Variants in STRN3 observed in about 807,000 individuals in gnomAD.
STRN3 encodes striatin 3.
In STRN3, 29 loss-of-function variants were observed where a neutral mutation model predicts 95.6. The ratio of observed to expected loss-of-function variants is 0.30; its 90% CI spans 0.23 to 0.41. The LOEUF (loss-of-function observed/expected upper bound fraction) is 0.41. STRN3 is among the 10% of genes least tolerant of loss of function. STRN3 has a pLI of 1.00. For missense variants in STRN3, 890 were observed against 972.1 expected (o/e 0.92, Z 1.12); for synonymous variants, 331 against 357.6 (o/e 0.93, Z 0.84).
intron 1 of STRN3, among the ~76,000 whole-genome samples, chr14:31,024,466 T>C (rs2139367090): frequency 6.6e-6 from 1 of 152,306 alleles, no homozygotes; most frequent in East Asian, 1.9e-4. Context: ...TTTTTTAAAG[T>C]TATGTAATTT....
chr14:30,922,993 C>A (rs1896922675), intron 8 of STRN3, among the ~76,000 whole-genome samples: 1 of 152,164 alleles, frequency 6.6e-6, no homozygotes, highest in South Asian at 2.1e-4. Flanking sequence ...TAACATAAAA[C>A]CACATGCCTA....
At chr14:31,005,198 G>C (rs1409269338) in intron 1 of STRN3, among the ~76,000 whole-genome samples, 2 of 152,178 alleles carry the variant, frequency 1.3e-5, no homozygotes, top group Non-Finnish European at 2.9e-5. Flanking sequence ...CGGGCATGGT[G>C]GCACACGCCA....
At chr14:30,938,902 G>A (rs1438273759) in intron 5 of STRN3, among the ~76,000 whole-genome samples, 2 of 152,102 alleles carry the variant, frequency 1.3e-5, no homozygotes, top group African/African-American at 4.8e-5. Flanking sequence ...AAAATTAAAG[G>A]ATCATAGACT....
chr14:31,011,923 T>A (rs179721), intron 1 of STRN3, among the ~76,000 whole-genome samples: 2 of 151,772 alleles, frequency 1.3e-5, no homozygotes, highest in South Asian at 2.1e-4. Flanking sequence ...CTACCAAAAA[T>A]AAAAAAAAAT....
At chr14:30,985,979 C>A (rs994940525) in intron 1 of STRN3, among the ~76,000 whole-genome samples, 3 of 152,142 alleles carry the variant, frequency 2.0e-5, no homozygotes, top group Non-Finnish European at 4.4e-5. Flanking sequence ...TGTGTGCATG[C>A]GCTTTCTCTC....
intron 8 of STRN3, among the ~76,000 whole-genome samples, chr14:30,919,418 T>C (rs892223581): frequency 5.9e-5 from 9 of 151,890 alleles, no homozygotes; most frequent in Non-Finnish European, 1.2e-4. Flanking sequence ...TTTAAAGTTC[T>C]GTAAGCTCAC....
At chr14:31,011,124 A>G (rs1396971967) in intron 1 of STRN3, among the ~76,000 whole-genome samples, 1 of 152,204 alleles carries the variant, frequency 6.6e-6, no homozygotes, top group South Asian at 2.1e-4. Context: ...TTATAATCTA[A>G]TAAAACCCAG....
intron 1 of STRN3, among the ~76,000 whole-genome samples, chr14:31,004,390 T>C (rs762373348): frequency 2.6e-5 from 4 of 151,910 alleles, no homozygotes; most frequent in African/African-American, 7.3e-5. Flanking sequence ...ACTTAAGCCA[T>C]TGCATTCCAG....
chr14:30,900,396 T>A (rs1349051374), intron 16 of STRN3, among the ~76,000 whole-genome samples: 1 of 118,806 alleles, frequency 8.4e-6, no homozygotes, highest in Non-Finnish European at 1.7e-5. Context: ...AAAACATACA[T>A]CTGAAGACAA....
chr14:31,024,716 A>T (rs179737), intron 1 of STRN3, among the ~76,000 whole-genome samples: 59,872 of 151,966 alleles, frequency 0.39, 12,563 homozygotes, highest in Non-Finnish European at 0.47. Context: ...TCAGCACTAC[A>T]TTTGCCTAAC....
chr14:31,020,370 G>A (rs191640154), intron 1 of STRN3, among the ~76,000 whole-genome samples: 3 of 151,980 alleles, frequency 2.0e-5, no homozygotes, highest in African/African-American at 7.2e-5. Context: ...GTGTTGGTGG[G>A]TGCTTGTAAT....
At chr14:30,933,279 A>AT (rs1555317710) in intron 7 of STRN3, among the ~76,000 whole-genome samples, 1,847 of 74,890 alleles carry the variant, frequency 0.025, 479 homozygotes, top group Middle Eastern at 0.12. Context: ...ACCCTGTTTC[A>AT]TAAAAAAAAA....
intron 5 of STRN3, among the ~76,000 whole-genome samples, chr14:30,938,451 A>G (rs985656323): frequency 6.6e-6 from 1 of 152,212 alleles, no homozygotes; most frequent in African/African-American, 2.4e-5. Context: ...TTAAAGATAT[A>G]TTTGTTTTGA....
intron 1 of STRN3, chr14:31,018,643 T>G (rs899650396): frequency 6.2e-5 from 30 of 482,222 alleles, no homozygotes; most frequent in East Asian, 6.0e-4. Flanking sequence ...GCAAGAACTT[T>G]GCGGACAAAA....
At chr14:31,014,615 T>C (rs1416437807) in intron 1 of STRN3, 1 of 436,536 alleles carries the variant, frequency 2.3e-6, no homozygotes, top group East Asian at 7.3e-5. Flanking sequence ...ATTGCTTTAA[T>C]TCTAGTCTTT....
At chr14:30,924,433 C>T (rs1896968358) in intron 8 of STRN3, among the ~76,000 whole-genome samples, 1 of 151,698 alleles carries the variant, frequency 6.6e-6, no homozygotes, top group African/African-American at 2.4e-5. Flanking sequence ...GGACTACAGG[C>T]ATGAGCCACC....
chr14:31,023,583 T>C (rs1396665951), intron 1 of STRN3, among the ~76,000 whole-genome samples: 1 of 152,166 alleles, frequency 6.6e-6, no homozygotes, highest in Non-Finnish European at 1.5e-5. Flanking sequence ...TCTGTGTACA[T>C]GACAGTGCAC....
intron 1 of STRN3, among the ~76,000 whole-genome samples, chr14:31,021,849 C>T (rs179734): frequency 0.64 from 96,525 of 151,976 alleles, 31,683 homozygotes; most frequent in Non-Finnish European, 0.73. Context: ...AGGCAGACTA[C>T]AGAGTGGGGT....
At chr14:30,948,214 A>G (rs1042724407) in intron 4 of STRN3, among the ~76,000 whole-genome samples, 1 of 152,234 alleles carries the variant, frequency 6.6e-6, no homozygotes, top group Non-Finnish European at 1.5e-5. Context: ...ATACAGAGTC[A>G]GAATCAAGTT....
Sources: gnomAD v4.1 joint callset for allele counts (sites outside exome capture counted in the v4.1 genomes callset) on GRCh38, gnomAD v4.1.1 for gene constraint, MANE v1.5 for transcripts, NCBI Gene and HGNC (gene_info 2026-07-23, HGNC 2026-07-21) for gene names.